Variants in TTC31 observed in about 807,000 individuals in gnomAD.
TTC31 encodes tetratricopeptide repeat protein 31.
A neutral mutation model predicts 60.4 loss-of-function variants in TTC31; 59 were observed. That is an observed-to-expected ratio of 0.98 (90% CI 0.79 to 1.21). TTC31 has a LOEUF of 1.21. TTC31 is among the 50% of genes most tolerant of loss of function. The pLI is 0.00. For synonymous variants in TTC31, 225 were observed against 249.6 expected, an observed-to-expected ratio of 0.90 and a Z score of 0.93; for missense variants, 672 against 646.9, an observed-to-expected ratio of 1.04 and a Z score of -0.42.
In TTC31 at chr2:74,492,729, C is replaced by G; in HGVS notation, c.1245C>G (p.Cys415Trp). The change falls in exon 12 of 13, where the codon TGC becomes TGG. Residue 415 changes from cysteine (C) to tryptophan (W), a missense_variant. Transcript: ENST00000233623. ...QPDAARELRS[C>W]LLHLTLQGQR... ...ACGCAGCCCGAGAGCTCCGCTCTTG[C>G]CTTCTCCACCTCACACTGGTAAGGG... 6.2e-7 allele frequency: 1 copy of G among 1,614,122 alleles called. No homozygotes were observed. The highest frequency in any genetic ancestry group is 8.5e-7 in the Non-Finnish European group (1 of 1,180,016).
Position 74,492,722 on chromosome 2 carries a change from G to T in TTC31, c.1238G>T (p.Arg413Leu), listed in dbSNP as rs377505859. Residue 413 changes from arginine (R) to leucine (L), a missense_variant, in exon 12 of 13, where the codon CGC becomes CTC. Physicochemically the swap from Arg to Leu is moderately radical, Grantham distance 102 (BLOSUM62 -2). Transcript: ENST00000233623. Reference protein sequence around the residue: ...GSQPDAARELRSCLLHLTLQG... With the variant: ...GSQPDAARELLSCLLHLTLQG... ...CAGCCTGACGCAGCCCGAGAGCTCC[G>T]CTCTTGCCTTCTCCACCTCACACTG... The T allele has an allele frequency of 3.1e-6, 5 of 1,614,008 alleles. No individual in the cohort carries two copies. The African/African-American group carries it at 6.7e-5, about 22-fold the overall frequency.
At chr2:74,487,451 C>T (rs1440992946) in intron 2 of TTC31, among the ~76,000 whole-genome samples, 2 of 152,060 alleles carry the variant, frequency 1.3e-5, no homozygotes, top group African/African-American at 4.8e-5. Flanking sequence ...CTCCTGACCT[C>T]AAGTGATCTG....
rs879007331 is a variant in TTC31 at position 74,492,367 on chromosome 2, T to C, written c.1083T>C (p.Asp361=). 2 of 1,550,614 alleles carry C rather than the reference T, an allele frequency of 1.3e-6. No individual in the cohort carries two copies. Among genetic ancestry groups the C allele is most frequent in the Admixed American group, 1.9e-5 (1 of 52,120 alleles). The change falls in exon 11 of 13, where the codon GAT becomes GAC. Residue 361 remains aspartate (D), a synonymous_variant. Coordinates refer to ENST00000233623, the MANE Select transcript of TTC31 (RefSeq NM_022492.6). ...RLGQPAWALA[D]AQVALTLRPG... ...GTCAGCCAGCGTGGGCCCTGGCTGA[T>C]GCCCAGGTGGCCCTTACCCTACGGC...
At chr2:74,486,536 C>T (rs1273782277) in intron 2 of TTC31, among the ~76,000 whole-genome samples, 2 of 152,074 alleles carry the variant, frequency 1.3e-5, no homozygotes, top group Non-Finnish European at 2.9e-5. Flanking sequence ...ATGAGAAGTA[C>T]AAAGAAAAAG....
Position 74,493,118 on chromosome 2 carries a change from A to G in TTC31, c.1460A>G (p.Gln487Arg). 6.2e-7 allele frequency: 1 copy of G among 1,614,104 alleles called. No individual in the cohort carries two copies. Among genetic ancestry groups the G allele is most frequent in the Non-Finnish European group, 8.5e-7 (1 of 1,179,996 alleles). The change falls in exon 13 of 13, where the codon CAG (glutamine) becomes CGG (arginine). Residue 487 changes from glutamine (Q) to arginine (R), a missense_variant. Transcript: ENST00000233623. ...AGCCACCCCAACCAGCCCCTCTCCC[A>G]GACTCAGAGTAGAAGGCCCCATCCT... ...HRSHPNQPLS[Q>R]TQSRRPHPLK...
chr2:74,490,524 C>G, intron 4 of TTC31, 51 bp downstream of exon 4: 2 of 1,544,554 alleles, frequency 1.3e-6, no homozygotes, highest in Non-Finnish European at 1.8e-6. Context: ...CTTTCAATCC[C>G]TGTATCCCCA....
intron 2 of TTC31, among the ~76,000 whole-genome samples, chr2:74,489,297 G>C (rs1373096138): frequency 6.6e-6 from 1 of 152,218 alleles, no homozygotes; most frequent in East Asian, 1.9e-4. Flanking sequence ...GGTGAGGCAA[G>C]ATGTGAGAAA....
intron 5 of TTC31, 180 bp from the exon 6 acceptor site, chr2:74,490,948 T>G: frequency 1.1e-6 from 1 of 927,534 alleles, no homozygotes; most frequent in South Asian, 1.6e-5. Flanking sequence ...TAGGTAGGAA[T>G]CTGCCTCCTT....
rs559169951 is a variant in TTC31, at chr2:74,491,141, G to A, written c.560G>A (p.Arg187Gln). 1.1e-4 allele frequency: 181 copies of A among 1,614,186 alleles called. 1 individual carries two copies. The South Asian group carries it at 1.3e-3, about 12-fold the overall frequency. ...KRLKKKRQKE[R>Q]KRQERLEQYC... ...TTACTATTGCAGCGTCAAAAGGAAC[G>A]GAAGCGACAGGAGCGTTTGGAGCAG... The change falls in exon 6 of 13, where the codon CGG (arginine) becomes CAG (glutamine). Residue 187 changes from arginine (R) to glutamine (Q), a missense_variant. Arg to Gln is a conservative substitution (Grantham distance 43). Transcript: ENST00000233623.
At position 74,492,008 on chromosome 2, in the gene TTC31, C is replaced by T. The variant is rs1673955537; in HGVS notation, c.881C>T (p.Ser294Phe). Residue 294 changes from serine to phenylalanine, a missense_variant, in exon 9 of 13, where the codon TCT becomes TTT. By Grantham distance (155) the Ser-to-Phe change is radical. Transcript: ENST00000233623. ...GACTTTGCACCCTATCCCCAGGCAT[C>T]TCCGGGACTGCTGGCAGCTGCCTTA... ...RPQQSPKVQA[S>F]PGLLAAALQQ... The T allele has an allele frequency of 6.2e-7, 1 of 1,614,216 alleles. No homozygotes were observed. Among genetic ancestry groups the T allele is most frequent in the Non-Finnish European group, 8.5e-7 (1 of 1,180,032 alleles).
At chr2:74,491,257 G>C (rs1673844799) in intron 6 of TTC31, 38 bp from the exon 7 acceptor site, 1 of 1,614,040 alleles carries the variant, frequency 6.2e-7, no homozygotes, top group Admixed American at 1.7e-5. Context: ...GGCAGCTCAA[G>C]GTGATCCCAA....
At chr2:74,489,025 C>T (rs138643059) in intron 2 of TTC31, among the ~76,000 whole-genome samples, 1,775 of 152,304 alleles carry the variant, frequency 0.012, 37 homozygotes, top group African/African-American at 0.041. Context: ...CACTGCACTC[C>T]AGCCTGGGTG....
chr2:74,486,458 C>A (rs562376377), intron 2 of TTC31, among the ~76,000 whole-genome samples: 2 of 152,206 alleles, frequency 1.3e-5, no homozygotes, highest in East Asian at 3.9e-4. Context: ...TCTTTCTGTT[C>A]AACAAATTAG....
At position 74,483,325 on chromosome 2, in the gene TTC31, G is replaced by A. The variant is rs768569204; in HGVS notation, c.44G>A (p.Cys15Tyr). ...PKTVGRIKLD[C>Y]SLRPSCPLEV... ...GCTCCGCCTTCCTTTCCTGTAGACT[G>A]CTCTCTACGGCCCAGCTGCCCACTG... is the stretch of plus-strand genomic sequence containing the variant. The change falls in exon 2 of 13, where the codon TGC becomes TAC. Residue 15 changes from cysteine (C) to tyrosine (Y), a missense_variant. Cys to Tyr is a radical substitution (Grantham distance 194). Transcript: ENST00000233623. 1.9e-6 allele frequency: 3 copies of A among 1,614,128 alleles called. No individual in the cohort carries two copies. Among genetic ancestry groups the A allele is most frequent in the Non-Finnish European group, 2.5e-6 (3 of 1,180,044 alleles).
chr2:74,491,553 C>G lies in TTC31; in HGVS notation c.757C>G (p.Arg253Gly). The part of the protein sequence containing the change: ...RKVGDWPLSA[R>G]REKGLNQEPQ... The stretch of plus-strand genomic sequence containing the variant: ...GGTTGGGGATTGGCCCCTCAGTGCC[C>G]GCAGAGAGAAGGGACTGAACCAGGA... Residue 253 changes from arginine (R) to glycine (G), a missense_variant, in exon 8 of 13, where the codon CGC becomes GGC. Arg to Gly is a moderately radical substitution (Grantham distance 125, BLOSUM62 -2). Coordinates refer to ENST00000233623, the MANE Select transcript of TTC31 (RefSeq NM_022492.6). 6.2e-7 allele frequency: 1 copy of G among 1,614,102 alleles called. No individual in the cohort carries two copies. The highest frequency in any genetic ancestry group is 1.1e-5 in the South Asian group (1 of 91,084).
At position 74,493,566 on chromosome 2, in the gene TTC31, A is replaced by G. The variant is rs1396962942; in HGVS notation, c.*348A>G. The G allele has an allele frequency of 4.8e-6, 1 of 207,742 alleles. No individual in the cohort carries two copies. The highest frequency in any genetic ancestry group is 2.3e-5 in the African/African-American group (1 of 43,098). 12.9% of individuals were successfully genotyped at this position (207,742 alleles called of 1,614,324 possible). A position where few individuals can be genotyped will look rare whatever the true frequency, so the allele number is the denominator to read the frequency against. On this transcript the variant is annotated 3_prime_UTR_variant, in exon 13 of 13. Coordinates refer to ENST00000233623, the MANE Select transcript of TTC31 (RefSeq NM_022492.6). ...TCTTCCTCTTGGTCCAGGGGACCTC[A>G]TTCACCAACTAGAGCTTGGTGTACA...
chr2:74,493,068 CT>C lies in TTC31; in HGVS notation c.1412del (p.Leu471CysfsTer72). 1 of 1,614,178 alleles carries C rather than the reference CT, an allele frequency of 6.2e-7. No homozygotes were observed. The highest frequency in any genetic ancestry group is 8.5e-7 in the Non-Finnish European group (1 of 1,180,014). ...ALRSPGLSPL[L>X]HYPSCHRSHP... The stretch of plus-strand genomic sequence containing the variant: ...TGAGGTCCCCTGGCCTGTCTCCACT[CT>C]TGCATTATCCTTCATGTCACCGAAG... On this transcript the variant is annotated frameshift_variant, in exon 13 of 13. Transcript: ENST00000233623. LOFTEE classifies it low-confidence loss of function (END_TRUNC).
rs1378203022 is a variant in TTC31, at chr2:74,485,489, A to G, written c.129+2079A>G. Among the ~76,000 whole-genome samples, 122 of 82,488 alleles carry G rather than the reference A, an allele frequency of 1.5e-3. 1 individual carries two copies. Among genetic ancestry groups the G allele is most frequent in the African/African-American group, 4.7e-3 (116 of 24,626 alleles). The allele number at this position is 82,488 out of a possible 152,430, so 54.1% of individuals were successfully genotyped here. Reference sequence around the variant, plus strand: ...TATTTCTTTTTTTTTTTTTTTTTTGAGATGGAGTTTTGCTCCCGTTGCCCA... The same window carrying G: ...TATTTCTTTTTTTTTTTTTTTTTTGGGATGGAGTTTTGCTCCCGTTGCCCA... On this transcript the variant is annotated intron_variant, in intron 2 of 12. Coordinates refer to ENST00000233623, the MANE Select transcript of TTC31 (RefSeq NM_022492.6).
rs1276824840 is a variant in TTC31, at chr2:74,493,171, T to C, written c.1513T>C (p.Trp505Arg). The C allele has an allele frequency of 1.2e-6, 2 of 1,614,034 alleles. No individual in the cohort carries two copies. Among genetic ancestry groups the C allele is most frequent in the Middle Eastern group, 1.6e-4 (1 of 6,084 alleles). ...PLKPQDPSKG[W>R]DILGLGLQHL... ...CAAGCCCCAGGACCCTTCAAAGGGCTGGGACATCCTGGGACTTGGGCTCCA... is the reference window on the plus strand; with the variant it reads ...CAAGCCCCAGGACCCTTCAAAGGGCCGGGACATCCTGGGACTTGGGCTCCA... The change falls in exon 13 of 13, where the codon TGG becomes CGG. Residue 505 changes from tryptophan to arginine, a missense_variant. Trp to Arg is a moderately radical substitution (Grantham distance 101, BLOSUM62 -3). Coordinates refer to ENST00000233623, the MANE Select transcript of TTC31 (RefSeq NM_022492.6).
Sources: allele counts gnomAD v4.1 joint callset (sites outside exome capture counted in the v4.1 genomes callset), GRCh38; gene constraint gnomAD v4.1.1; transcripts MANE v1.5; gene names NCBI Gene and HGNC (gene_info 2026-07-23, HGNC 2026-07-21).